POPDC1: variants seen among roughly 807,000 people sequenced by gnomAD.
The protein encoded by POPDC1 is popeye domain cAMP effector 1.
chr6:105,111,703 A>T, the POPDC1 span, among the ~76,000 whole-genome samples: 1 of 152,206 alleles, frequency 6.6e-6, no homozygotes, highest in Non-Finnish European at 1.5e-5. Context: ...CTATGTGGAA[A>T]GGAGTAGAGA....
chr6:105,101,083 C>T, the POPDC1 span: 2 of 1,602,876 alleles, frequency 1.2e-6, no homozygotes, highest in East Asian at 2.2e-5. Flanking sequence ...TGAATTCTCT[C>T]TCTGATCAAG....
the POPDC1 span, among the ~76,000 whole-genome samples, chr6:105,108,466 A>G: frequency 6.6e-6 from 1 of 152,250 alleles, no homozygotes; most frequent in East Asian, 1.9e-4. Flanking sequence ...GGGTTCAAAT[A>G]GAGGACAACC....
the POPDC1 span, among the ~76,000 whole-genome samples, chr6:105,101,873 A>AGTC: frequency 6.6e-6 from 1 of 152,240 alleles, no homozygotes; most frequent in Non-Finnish European, 1.5e-5. Context: ...TCATTCATTC[A>AGTC]GTCACTCACT....
chr6:105,106,514 T>TG, the POPDC1 span, among the ~76,000 whole-genome samples: 1 of 152,252 alleles, frequency 6.6e-6, no homozygotes, highest in Non-Finnish European at 1.5e-5. Context: ...CCTTTGCTCC[T>TG]GCCAGATGGC....
At chr6:105,133,412 A>G in the POPDC1 span, 13 of 1,613,778 alleles carry the variant, frequency 8.1e-6, no homozygotes, top group Non-Finnish European at 1.1e-5. Context: ...GGAATAACCA[A>G]CCCAACTGCA....
At chr6:105,108,777 G>A in the POPDC1 span, among the ~76,000 whole-genome samples, 2 of 152,212 alleles carry the variant, frequency 1.3e-5, no homozygotes, top group Non-Finnish European at 2.9e-5. Context: ...TTGGTTCTAC[G>A]TAAAGCACAA....
At chr6:105,135,131 A>G in the POPDC1 span, among the ~76,000 whole-genome samples, 1 of 152,018 alleles carries the variant, frequency 6.6e-6, no homozygotes, top group Non-Finnish European at 1.5e-5. Context: ...CTACACTCCC[A>G]TTGTCCTGTT....
At chr6:105,122,126 T>C in the POPDC1 span, among the ~76,000 whole-genome samples, 2 of 152,222 alleles carry the variant, frequency 1.3e-5, no homozygotes, top group African/African-American at 4.8e-5. Flanking sequence ...CTCTTGAGGA[T>C]CTGCCAACAG....
chr6:105,124,465 C>G, the POPDC1 span: 1 of 896,432 alleles, frequency 1.1e-6, no homozygotes, highest in Non-Finnish European at 1.8e-6. Flanking sequence ...TAATTCATAG[C>G]AGTGTTTCTA....
the POPDC1 span, among the ~76,000 whole-genome samples, chr6:105,113,463 T>A: frequency 3.3e-5 from 5 of 152,192 alleles, no homozygotes; most frequent in Admixed American, 6.5e-5. Context: ...TCCATTGATG[T>A]TGGTTCTGGC....
At chr6:105,112,263 CAGAG>C in the POPDC1 span, among the ~76,000 whole-genome samples, 1 of 152,060 alleles carries the variant, frequency 6.6e-6, no homozygotes, top group African/African-American at 2.4e-5. Flanking sequence ...GACAGAGAGA[CAGAG>C]AGAGATGGAA....
At chr6:105,111,939 T>A in the POPDC1 span, among the ~76,000 whole-genome samples, 1 of 152,108 alleles carries the variant, frequency 6.6e-6, no homozygotes, top group Non-Finnish European at 1.5e-5. Flanking sequence ...TTATGCAAAC[T>A]TCTACACCCA....
chr6:105,123,960 T>C, the POPDC1 span, among the ~76,000 whole-genome samples: 1 of 152,194 alleles, frequency 6.6e-6, no homozygotes, highest in South Asian at 2.1e-4. Flanking sequence ...AAGCATAAGA[T>C]GTTTTCTATA....
chr6:105,129,959 C>G, the POPDC1 span, among the ~76,000 whole-genome samples: 1 of 152,100 alleles, frequency 6.6e-6, no homozygotes, highest in African/African-American at 2.4e-5. Flanking sequence ...TTAGAACTAC[C>G]TAAGCCAAAT....
the POPDC1 span, among the ~76,000 whole-genome samples, chr6:105,129,875 T>G: frequency 6.6e-6 from 1 of 152,206 alleles, no homozygotes; most frequent in Admixed American, 6.5e-5. Flanking sequence ...ATTTTCCATT[T>G]AATATTATTG....
the POPDC1 span, among the ~76,000 whole-genome samples, chr6:105,108,116 G>A: frequency 1.3e-5 from 2 of 152,184 alleles, no homozygotes; most frequent in Admixed American, 6.5e-5. Context: ...CATCAGGGCC[G>A]TGAGCTGTAC....
At chr6:105,125,592 A>C in the POPDC1 span, 1 of 1,612,518 alleles carries the variant, frequency 6.2e-7, no homozygotes, top group South Asian at 1.1e-5. Context: ...AAATGCAGCA[A>C]TGACTAGATG....
At chr6:105,105,683 T>C in the POPDC1 span, among the ~76,000 whole-genome samples, 1 of 152,256 alleles carries the variant, frequency 6.6e-6, no homozygotes, top group African/African-American at 2.4e-5. Flanking sequence ...GGGAATGCTC[T>C]TGCATTTCAC....
the POPDC1 span, chr6:105,129,353 C>A: frequency 6.4e-7 from 1 of 1,558,898 alleles, no homozygotes; most frequent in Non-Finnish European, 8.7e-7. Context: ...AAAATCACTT[C>A]CTTATTAATT....
Sources: allele counts gnomAD v4.1 joint callset (sites outside exome capture counted in the v4.1 genomes callset), GRCh38; gene constraint gnomAD v4.1.1; transcripts MANE v1.5; gene names NCBI Gene and HGNC (gene_info 2026-07-23, HGNC 2026-07-21).